Variants in DCT observed in about 807,000 individuals in gnomAD.
The protein encoded by DCT is dopachrome tautomerase.
DCT carries 47 observed loss-of-function variants against 53.0 expected under a neutral mutation model. That is an observed-to-expected ratio of 0.89 (90% CI 0.70 to 1.13). The LOEUF (loss-of-function observed/expected upper bound fraction) is 1.13, where lower values mean the gene tolerates loss of function less well. Among genes scored for constraint, DCT ranks in the 50% most tolerant of loss-of-function variants. The pLI is 0.00. For missense variants in DCT, 669 were observed against 637.4 expected (o/e 1.05, Z -0.53); for synonymous variants, 244 against 237.0 (o/e 1.03, Z -0.27).
intron 1 of DCT, among the ~76,000 whole-genome samples, chr13:94,471,158 A>G (rs1008405971): frequency 6.6e-6 from 1 of 152,232 alleles, no homozygotes; most frequent in Non-Finnish European, 1.5e-5. Flanking sequence ...AACAGCATGA[A>G]AACAAAATGA....
At chr13:94,440,676 G>GTTTTTTTTTTTTT (rs761688508) in intron 7 of DCT, among the ~76,000 whole-genome samples, 1 of 98,054 alleles carries the variant, frequency 1.0e-5, no homozygotes, top group Non-Finnish European at 1.9e-5. Flanking sequence ...TCATTTTTTG[G>GTTTTTTTTTTTTT]TTTTTTTTTT....
chr13:94,453,924 CCTT>C (rs1419347669), intron 6 of DCT, among the ~76,000 whole-genome samples: 5 of 152,258 alleles, frequency 3.3e-5, no homozygotes, highest in African/African-American at 1.2e-4. Flanking sequence ...ATACACCTAT[CCTT>C]CTTTTTTTAA....
At position 94,443,494 on chromosome 13, in the gene DCT, A is replaced by C; in HGVS notation, c.1323T>G (p.Asn441Lys). 1 of 1,614,124 alleles carries C rather than the reference A, an allele frequency of 6.2e-7. No homozygotes were observed. The highest frequency in any genetic ancestry group is 8.5e-7 in the Non-Finnish European group (1 of 1,179,964). ...NMVPFFPPVT[N>K]EELFLTSDQL... ...GGTCTGAGGTTAAAAAGAGTTCTTCATTAGTCACTGGAGGGAAGAAAGGAA... is the reference window on the plus strand; with the variant it reads ...GGTCTGAGGTTAAAAAGAGTTCTTCCTTAGTCACTGGAGGGAAGAAAGGAA... The change falls in exon 7 of 8, where the codon AAT becomes AAG. Residue 441 changes from asparagine (N) to lysine (K), a missense_variant. By Grantham distance (94) the Asn-to-Lys change is moderately conservative. Transcript: ENST00000377028.
the DCT span, among the ~76,000 whole-genome samples, chr13:94,501,142 A>G: frequency 7.2e-5 from 11 of 152,046 alleles, no homozygotes; most frequent in Non-Finnish European, 1.6e-4. Flanking sequence ...GGTGGCGGGC[A>G]CCTGCAGTCC....
chr13:94,532,765 C>A, the DCT span, among the ~76,000 whole-genome samples: 1 of 152,048 alleles, frequency 6.6e-6, no homozygotes, highest in East Asian at 1.9e-4. Flanking sequence ...TGCACATGTA[C>A]CCTAGAACTT....
the DCT span, among the ~76,000 whole-genome samples, chr13:94,505,764 C>T: frequency 6.6e-6 from 1 of 152,186 alleles, no homozygotes; most frequent in Non-Finnish European, 1.5e-5. Flanking sequence ...GTCTTCTCAG[C>T]TTGAACAATT....
chr13:94,520,558 C>A, the DCT span, among the ~76,000 whole-genome samples: 1 of 152,168 alleles, frequency 6.6e-6, no homozygotes, highest in Non-Finnish European at 1.5e-5. Context: ...TGAATTCTAT[C>A]ACAAAACATG....
At chr13:94,522,636 G>A in the DCT span, among the ~76,000 whole-genome samples, 7 of 152,276 alleles carry the variant, frequency 4.6e-5, no homozygotes, top group East Asian at 1.9e-4. Flanking sequence ...AAAGTGAGAC[G>A]TAGTCCCAAC....
the DCT span, among the ~76,000 whole-genome samples, chr13:94,532,005 C>T: frequency 1.3e-5 from 2 of 152,108 alleles, no homozygotes; most frequent in Non-Finnish European, 2.9e-5. Flanking sequence ...CAAAAGAAGC[C>T]ATTTATGCAG....
At chr13:94,534,216 TGTCC>T in the DCT span, among the ~76,000 whole-genome samples, 1 of 152,180 alleles carries the variant, frequency 6.6e-6, no homozygotes, top group Non-Finnish European at 1.5e-5. Flanking sequence ...TACCCTATTG[TGTCC>T]AACTCTCTCT....
chr13:94,477,802 A>C (rs1172626371), intron 1 of DCT, among the ~76,000 whole-genome samples: 5 of 152,186 alleles, frequency 3.3e-5, no homozygotes, highest in Admixed American at 6.5e-5. Context: ...AGAAGTAAAA[A>C]GTATTTTTAA....
At chr13:94,510,211 T>C in the DCT span, among the ~76,000 whole-genome samples, 57,608 of 151,910 alleles carry the variant, frequency 0.38, 11,401 homozygotes, top group East Asian at 0.61. Context: ...AGTCACTGGA[T>C]GGCTCTACAA....
chr13:94,472,556 ATATATATATATATTTTTTTTTTTTTT>A (rs1566855301), intron 1 of DCT, among the ~76,000 whole-genome samples: 5 of 22,780 alleles, frequency 2.2e-4, no homozygotes, highest in Non-Finnish European at 3.7e-4. Context: ...ATATATATAT[ATATATATATATATTTTTTTTTTTTTT>A]TTTTTTTTTT....
At chr13:94,516,269 ACTT>A in the DCT span, among the ~76,000 whole-genome samples, 1 of 152,038 alleles carries the variant, frequency 6.6e-6, no homozygotes, top group East Asian at 1.9e-4. Flanking sequence ...AGGGAGGAAA[ACTT>A]CTGGAAGAAT....
the DCT span, among the ~76,000 whole-genome samples, chr13:94,495,348 C>T: frequency 6.6e-6 from 1 of 152,120 alleles, no homozygotes; most frequent in Non-Finnish European, 1.5e-5. Context: ...CCACTCAGCT[C>T]GGCCTCTCCA....
upstream of DCT, among the ~76,000 whole-genome samples, chr13:94,483,609 C>A (rs1885538597): frequency 6.6e-6 from 1 of 152,082 alleles, no homozygotes; most frequent in South Asian, 2.1e-4. Context: ...TTAAGCAATT[C>A]TCCTACCTCT....
At position 94,468,881 on chromosome 13, in the gene DCT, G is replaced by GACAC; in HGVS notation, c.459_460insGTGT (p.Pro154ValfsTer31). 1 of 1,614,112 alleles carries GACAC rather than the reference G, an allele frequency of 6.2e-7. No individual in the cohort carries two copies. Among genetic ancestry groups the GACAC allele is most frequent in the Non-Finnish European group, 8.5e-7 (1 of 1,180,006 alleles). ...TGTTGTGTGGTGATCACGTAGTCGG[G>GACAC]GTGTACTCTCTTCTTCGCGAGATCT... On this transcript the variant is annotated frameshift_variant, in exon 2 of 8. Coordinates refer to ENST00000377028, the MANE Select transcript of DCT (RefSeq NM_001922.5). LOFTEE classifies it high-confidence loss of function.
the DCT span, among the ~76,000 whole-genome samples, chr13:94,513,020 T>G: frequency 6.6e-6 from 1 of 152,202 alleles, no homozygotes. Flanking sequence ...GGTGAGGCCA[T>G]GAACTTTTTC....
At chr13:94,464,702 G>A (rs1884048605) in intron 4 of DCT, among the ~76,000 whole-genome samples, 1 of 151,964 alleles carries the variant, frequency 6.6e-6, no homozygotes, top group Non-Finnish European at 1.5e-5. Flanking sequence ...ATGAATAAAG[G>A]AAGGTGAGGT....
Sources: allele counts gnomAD v4.1 joint callset (sites outside exome capture counted in the v4.1 genomes callset), GRCh38; gene constraint gnomAD v4.1.1; transcripts MANE v1.5; gene names NCBI Gene and HGNC (gene_info 2026-07-23, HGNC 2026-07-21).